TSHZ2: variants seen among roughly 807,000 people sequenced by gnomAD.
The protein encoded by TSHZ2 is teashirt zinc finger homeobox 2.
A neutral mutation model predicts 74.4 loss-of-function variants in TSHZ2; 21 were observed. The observed-to-expected ratio is 0.28, with a 90% CI of 0.20 to 0.41. The LOEUF is 0.41. Ranked by LOEUF, TSHZ2 falls within the 10% of genes least tolerant of loss-of-function variation. The pLI is 1.00. For synonymous variants in TSHZ2, 540 were observed against 515.3 expected (o/e 1.05, Z -0.65); for missense variants, 1,244 against 1,293.5 (o/e 0.96, Z 0.59).
At chr20:53,328,738 T>A (rs1178201946) in intron 2 of TSHZ2, among the ~76,000 whole-genome samples, 1 of 152,234 alleles carries the variant, frequency 6.6e-6, no homozygotes, top group African/African-American at 2.4e-5. Context: ...GTAGCCATTC[T>A]AATTTTTATC....
At chr20:53,473,686 G>T (rs1006836793) in intron 2 of TSHZ2, among the ~76,000 whole-genome samples, 22 of 151,768 alleles carry the variant, frequency 1.4e-4, no homozygotes, top group South Asian at 4.2e-4. Flanking sequence ...AGAGAAAAAG[G>T]CTTCAGACGA....
At chr20:53,050,124 T>TATATATATATATACACACAC in intron 1 of TSHZ2, among the ~76,000 whole-genome samples, 1 of 107,206 alleles carries the variant, frequency 9.3e-6, no homozygotes, top group African/African-American at 6.4e-5. Flanking sequence ...TATATATATA[T>TATATATATATATACACACAC]ACACATATAT....
At position 53,254,486 on chromosome 20, in the gene TSHZ2, C is replaced by G. The variant is rs780205714; in HGVS notation, c.1028C>G (p.Ser343Cys). Reference sequence around the variant, plus strand: ...TCAACCACAGGATCTTTTGCAGATTCTTTTTCTTCTCAGAAGAACGCCAAC... The same window carrying G: ...TCAACCACAGGATCTTTTGCAGATTGTTTTTCTTCTCAGAAGAACGCCAAC... ...PDSTTGSFADSFSSQKNANLQ... is the reference protein window; with the variant it reads ...PDSTTGSFADCFSSQKNANLQ... The change falls in exon 2 of 3, where the codon TCT becomes TGT. Residue 343 changes from serine to cysteine, a missense_variant. Ser to Cys is a moderately radical substitution (Grantham distance 112). Around this residue, in one of 6 missense-constraint regions of TSHZ2, gnomAD observed 470 missense variants for 456.5 expected, o/e 1.03. Transcript: ENST00000371497. The G allele has an allele frequency of 6.2e-7, 1 of 1,614,048 alleles. No individual in the cohort carries two copies.
In TSHZ2 at chr20:53,455,595, G is replaced by T. The variant is rs148438537; in HGVS notation, c.*9-31549G>T. On this transcript the variant is annotated intron_variant, in intron 2 of 2. Transcript: ENST00000371497. Reference sequence around the variant, plus strand: ...ATTATTATTATACTTTAAGTTTTAGGGTACATGTGCACATTGTGCAGGTTA... The same window carrying T: ...ATTATTATTATACTTTAAGTTTTAGTGTACATGTGCACATTGTGCAGGTTA... Among the ~76,000 whole-genome samples the T allele has an allele frequency of 2.1e-4, 32 of 151,940 alleles. No homozygotes were observed. In the East Asian group the frequency reaches 6.0e-3, roughly 28 times the overall value.
intron 2 of TSHZ2, among the ~76,000 whole-genome samples, chr20:53,386,275 C>G (rs1386145480): frequency 6.6e-6 from 1 of 152,232 alleles, no homozygotes; most frequent in Non-Finnish European, 1.5e-5. Context: ...CTGGCTCTTG[C>G]AACCGGCTTC....
intron 2 of TSHZ2, among the ~76,000 whole-genome samples, chr20:53,425,589 T>C (rs773846112): frequency 2.6e-5 from 4 of 152,158 alleles, no homozygotes; most frequent in African/African-American, 4.8e-5. Flanking sequence ...AAAACAGAGG[T>C]AGGCAAACTT....
At chr20:53,001,230 G>GTGTGTGTATA (rs1555813626) in intron 1 of TSHZ2, among the ~76,000 whole-genome samples, 2 of 126,114 alleles carry the variant, frequency 1.6e-5, no homozygotes, top group African/African-American at 5.9e-5. Context: ...GTGTGTGTGT[G>GTGTGTGTATA]TGTGTGTGTG....
At chr20:53,233,338 T>C (rs1036731776) in intron 1 of TSHZ2, among the ~76,000 whole-genome samples, 1 of 152,222 alleles carries the variant, frequency 6.6e-6, no homozygotes, top group Admixed American at 6.5e-5. Context: ...CAAATAATTG[T>C]TTAATTGTAA....
chr20:53,287,387 T>A (rs1239418556), intron 2 of TSHZ2, among the ~76,000 whole-genome samples: 2 of 152,148 alleles, frequency 1.3e-5, no homozygotes, highest in Non-Finnish European at 2.9e-5. Context: ...CCACAAGGGG[T>A]GGGCATTTTC....
At chr20:53,264,478 G>A (rs1990667710) in intron 2 of TSHZ2, among the ~76,000 whole-genome samples, 1 of 152,202 alleles carries the variant, frequency 6.6e-6, no homozygotes, top group African/African-American at 2.4e-5. Flanking sequence ...GTCTTAATGA[G>A]CTGATTTTTG....
intron 1 of TSHZ2, among the ~76,000 whole-genome samples, chr20:53,240,147 T>A (rs979748911): frequency 2.6e-5 from 4 of 152,228 alleles, no homozygotes; most frequent in Non-Finnish European, 5.9e-5. Context: ...TGAGATTATA[T>A]GTTCTTATAT....
intron 2 of TSHZ2, among the ~76,000 whole-genome samples, chr20:53,277,065 A>G (rs1990963450): frequency 6.6e-6 from 1 of 152,188 alleles, no homozygotes; most frequent in African/African-American, 2.4e-5. Flanking sequence ...GGTAGCCAGG[A>G]AGTTTGCTTG....
intron 2 of TSHZ2, among the ~76,000 whole-genome samples, chr20:53,307,622 T>G (rs1166027319): frequency 6.6e-6 from 1 of 152,214 alleles, no homozygotes; most frequent in Non-Finnish European, 1.5e-5. Flanking sequence ...TAGGGCTTTT[T>G]TTCTAACTTT....
intron 1 of TSHZ2, among the ~76,000 whole-genome samples, chr20:53,235,142 G>C (rs1287549681): frequency 1.5e-5 from 2 of 135,762 alleles, no homozygotes; most frequent in Non-Finnish European, 3.2e-5. Flanking sequence ...CGGGGCGGGG[G>C]GGGGGGAATG....
chr20:53,121,470 C>T (rs1986808987), intron 1 of TSHZ2, among the ~76,000 whole-genome samples: 1 of 152,072 alleles, frequency 6.6e-6, no homozygotes, highest in East Asian at 1.9e-4. Context: ...GCAGTTGACA[C>T]TGCACCTGTA....
In TSHZ2 at chr20:53,490,796, G is replaced by C. The variant is rs530259022; in HGVS notation, c.*3661G>C. 17 of 152,252 alleles carry C rather than the reference G, an allele frequency of 1.1e-4. No individual in the cohort carries two copies. Among genetic ancestry groups the C allele is most frequent in the Non-Finnish European group, 2.4e-4 (16 of 68,052 alleles). 9.4% of individuals were successfully genotyped at this position (152,252 alleles called of 1,614,324 possible). On this transcript the variant is annotated 3_prime_UTR_variant, in exon 3 of 3. Coordinates refer to ENST00000371497, the MANE Select transcript of TSHZ2 (RefSeq NM_173485.6). ...TAAGTGGTGAGGAGGGGTGTGTGAA[G>C]ACAGTGTGCATGCATGAGTGTGTAT...
intron 2 of TSHZ2, among the ~76,000 whole-genome samples, chr20:53,466,165 T>C (rs1192796057): frequency 2.0e-5 from 3 of 151,610 alleles, no homozygotes; most frequent in Non-Finnish European, 2.9e-5. Flanking sequence ...GAGAAATCAC[T>C]TGAACCGGGG....
At chr20:53,315,409 C>T (rs1295249559) in intron 2 of TSHZ2, among the ~76,000 whole-genome samples, 1 of 152,186 alleles carries the variant, frequency 6.6e-6, no homozygotes. Context: ...ACGTTTTGAT[C>T]CTGTACTTCA....
At position 53,256,345 on chromosome 20, in the gene TSHZ2, C is replaced by A; in HGVS notation, c.2887C>A (p.Gln963Lys). Residue 963 changes from glutamine (Q) to lysine (K), a missense_variant, in exon 2 of 3, where the codon CAG (glutamine) becomes AAG (lysine). Gln to Lys is a moderately conservative substitution (Grantham distance 53). Transcript: ENST00000371497. This position sits in a 1 kb window ranked among gnomAD's most constrained non-coding sequence, Gnocchi z 4.3. ...GGACATGACCCGCTTGTCAGTGGAC[C>A]AGCAAAGCAAGGTGGAGCAAGAGAT... is the stretch of plus-strand genomic sequence containing the variant. ...MKDMTRLSVD[Q>K]QSKVEQEISR... is the part of the protein sequence containing the mutation. 1.2e-6 allele frequency: 2 copies of A among 1,613,562 alleles called. No individual in the cohort carries two copies. The highest frequency in any genetic ancestry group is 1.7e-6 in the Non-Finnish European group (2 of 1,179,564).
Sources: allele counts gnomAD v4.1 joint callset (sites outside exome capture counted in the v4.1 genomes callset), GRCh38; gene constraint gnomAD v4.1.1; regional missense constraint gnomAD v4.1.1; non-coding constraint Gnocchi (gnomAD v3.1); transcripts MANE v1.5; gene names NCBI Gene and HGNC (gene_info 2026-07-23, HGNC 2026-07-21).